The following RUFY3 variants were observed in gnomAD, a reference collection of about 807,000 sequenced individuals.
RUFY3 encodes protein RUFY3.
RUFY3 carries 34 observed loss-of-function variants against 84.0 expected under a neutral mutation model. The ratio of observed to expected loss-of-function variants is 0.40; its 90% CI spans 0.31 to 0.54. RUFY3 has a LOEUF of 0.54. RUFY3 is among the 20% of genes least tolerant of loss of function. The pLI is 0.39. For missense variants in RUFY3, 507 were observed against 736.8 expected, an observed-to-expected ratio of 0.69 and a Z score of 3.61; for synonymous variants, 242 against 252.9, an observed-to-expected ratio of 0.96 and a Z score of 0.41.
At chr4:70,780,655 A>G (rs1728762990) in intron 8 of RUFY3, among the ~76,000 whole-genome samples, 1 of 152,184 alleles carries the variant, frequency 6.6e-6, no homozygotes, top group Admixed American at 6.5e-5. Flanking sequence ...TTATTTATCT[A>G]TAACATGGAA....
At chr4:70,736,868 G>A (rs1203186829) in intron 1 of RUFY3, among the ~76,000 whole-genome samples, 1 of 152,010 alleles carries the variant, frequency 6.6e-6, no homozygotes, top group Non-Finnish European at 1.5e-5. Context: ...CACTGCGCCT[G>A]GCCTGGATGT....
chr4:70,768,679 A>T lies in RUFY3; in HGVS notation c.696+18A>T. 1 of 1,611,692 alleles carries T rather than the reference A, an allele frequency of 6.2e-7. No individual in the cohort carries two copies. Among genetic ancestry groups the T allele is most frequent in the Non-Finnish European group, 8.5e-7 (1 of 1,178,724 alleles). On this transcript the variant is annotated intron_variant, in intron 5 of 17. Transcript: ENST00000381006. Reference sequence around the variant, plus strand: ...ACTCTCAGGTATGGGAAAGAGACTCATTCCCATGGGTGTCACTCTGAGTTC... The same window carrying T: ...ACTCTCAGGTATGGGAAAGAGACTCTTTCCCATGGGTGTCACTCTGAGTTC...
intron 5 of RUFY3, among the ~76,000 whole-genome samples, chr4:70,771,397 A>T (rs943115099): frequency 5.9e-5 from 9 of 152,204 alleles, no homozygotes; most frequent in Non-Finnish European, 1.2e-4. Context: ...AACATCCCAC[A>T]TAGAAAATTC....
At chr4:70,804,533 T>G in intron 17 of RUFY3, 117 bp downstream of exon 17, 9 of 737,836 alleles carry the variant, frequency 1.2e-5, no homozygotes, top group Non-Finnish European at 1.8e-5. Context: ...TGCAGAGTGC[T>G]GGGAGTGGGG....
intron 6 of RUFY3, among the ~76,000 whole-genome samples, chr4:70,774,644 A>AATATATATATATAT (rs1553916772): frequency 1.7e-3 from 98 of 56,644 alleles, no homozygotes; most frequent in African/African-American, 3.6e-3. Flanking sequence ...AAAAAAAAAA[A>AATATATATATATAT]ATATATATAT....
At chr4:70,784,721 T>C (rs1451176221) in intron 9 of RUFY3, 75 bp from the exon 10 acceptor site, 1 of 862,564 alleles carries the variant, frequency 1.2e-6, no homozygotes, top group African/African-American at 1.8e-5. Flanking sequence ...TTTTTCTTGC[T>C]AAGTAGCAGT....
chr4:70,768,422 T>C (rs545019156), intron 4 of RUFY3, 116 bp from the exon 5 acceptor site: 2 of 815,412 alleles, frequency 2.5e-6, no homozygotes, highest in East Asian at 5.4e-5. Flanking sequence ...TTTTTGTAGA[T>C]GGCTATAATC....
chr4:70,735,589 C>T (rs1720134117), intron 1 of RUFY3, among the ~76,000 whole-genome samples: 1 of 151,948 alleles, frequency 6.6e-6, no homozygotes, highest in South Asian at 2.1e-4. Context: ...ACCTGTAATC[C>T]CAACATTTTG....
intron 1 of RUFY3, among the ~76,000 whole-genome samples, chr4:70,754,136 T>G (rs1389295835): frequency 6.6e-6 from 1 of 152,142 alleles, no homozygotes; most frequent in African/African-American, 2.4e-5. Flanking sequence ...CACTGCAGTT[T>G]CTGCCTGCCG....
At chr4:70,779,952 A>T (rs947781657) in intron 8 of RUFY3, among the ~76,000 whole-genome samples, 1 of 152,334 alleles carries the variant, frequency 6.6e-6, no homozygotes, top group East Asian at 1.9e-4. Flanking sequence ...AAATTAAAGC[A>T]CTAGTCAGGA....
chr4:70,704,841 C>A, exon 1 of RUFY3: 2 of 796,478 alleles, frequency 2.5e-6, no homozygotes, highest in Non-Finnish European at 3.3e-6. Context: ...GGCGGCGCAG[C>A]GGACGGGACG....
At chr4:70,729,827 A>T (rs1369874524) in intron 1 of RUFY3, among the ~76,000 whole-genome samples, 1 of 152,192 alleles carries the variant, frequency 6.6e-6, no homozygotes, top group East Asian at 1.9e-4. Context: ...AGTAGCTTAA[A>T]CTCAAGTTTT....
intron 1 of RUFY3, among the ~76,000 whole-genome samples, chr4:70,747,368 A>G (rs1201355322): frequency 6.6e-6 from 1 of 152,182 alleles, no homozygotes; most frequent in African/African-American, 2.4e-5. Context: ...TAGCCTTACT[A>G]TATAGGACAT....
chr4:70,775,636 C>T (rs1318339151), intron 7 of RUFY3, among the ~76,000 whole-genome samples: 1 of 152,110 alleles, frequency 6.6e-6, no homozygotes, highest in Non-Finnish European at 1.5e-5. Context: ...CCACTCATTA[C>T]ATTAGTACCT....
chr4:70,800,991 ACT>A (rs1732155507), intron 15 of RUFY3, among the ~76,000 whole-genome samples: 1 of 151,982 alleles, frequency 6.6e-6, no homozygotes, highest in South Asian at 2.1e-4. Flanking sequence ...CTTTATCCTA[ACT>A]CTGTCTGATT....
At chr4:70,721,262 C>T (rs1360700565), upstream of RUFY3, among the ~76,000 whole-genome samples, 2 of 151,890 alleles carry the variant, frequency 1.3e-5, no homozygotes, top group Non-Finnish European at 2.9e-5. Flanking sequence ...CCACTGCACT[C>T]CAGCCTGGGC....
Position 70,784,832 on chromosome 4 carries a change from C to T in RUFY3, c.1024C>T (p.Leu342=). The T allele has an allele frequency of 6.2e-7, 1 of 1,607,074 alleles. No homozygotes were observed. The highest frequency in any genetic ancestry group is 8.5e-7 in the Non-Finnish European group (1 of 1,177,230). Residue 342 remains leucine (L), a synonymous_variant, in exon 10 of 18, where the codon CTA becomes TTA. Transcript: ENST00000381006. ...AGACAGAACTGCAGAAGGGCAAGCA[C>T]TAAGTGAAGCAAGAAAGCATTTAAA... is the stretch of plus-strand genomic sequence containing the variant. ...KQDRTAEGQA[L]SEARKHLKEE...
chr4:70,789,820 G>A (rs1056043873), intron 12 of RUFY3: 56 of 1,169,794 alleles, frequency 4.8e-5, no homozygotes, highest in Non-Finnish European at 5.8e-5. Context: ...AAAAAAGAAA[G>A]GTCAGCCTTT....
chr4:70,797,625 A>G lies in RUFY3; in HGVS notation c.1558-2516A>G, dbSNP rs184316990. Among the ~76,000 whole-genome samples, 1,123 of 151,908 alleles carry G rather than the reference A, an allele frequency of 7.4e-3. 20 individuals are homozygous for G. The highest frequency in any genetic ancestry group is 0.026 in the African/African-American group (1,078 of 41,412). Reference sequence around the variant, plus strand: ...TTTGGGAGGCCAAGGTGGGCAGATCATGAGGTCAAGAGTTCAAGACCAGCC... The same window carrying G: ...TTTGGGAGGCCAAGGTGGGCAGATCGTGAGGTCAAGAGTTCAAGACCAGCC... On this transcript the variant is annotated intron_variant, in intron 14 of 17. Coordinates refer to ENST00000381006, the MANE Select transcript of RUFY3 (RefSeq NM_001037442.4).
Sources: gnomAD v4.1 joint callset for allele counts (sites outside exome capture counted in the v4.1 genomes callset) on GRCh38, gnomAD v4.1.1 for gene constraint, MANE v1.5 for transcripts, NCBI Gene and HGNC (gene_info 2026-07-23, HGNC 2026-07-21) for gene names.